The following LRMDA variants were observed in gnomAD, a reference collection of about 807,000 sequenced individuals.
LRMDA encodes the protein leucine-rich melanocyte differentiation-associated protein.
A neutral mutation model predicts 29.8 loss-of-function variants in LRMDA; 18 were observed. The ratio of observed to expected loss-of-function variants is 0.60; its 90% CI spans 0.42 to 0.90. The LOEUF is 0.90. LRMDA is among the 40% of genes least tolerant of loss of function. The pLI, the probability that LRMDA is intolerant of heterozygous loss-of-function variation, is 0.00. For missense variants in LRMDA, 273 were observed against 273.9 expected (o/e 1.00, Z 0.02); for synonymous variants, 125 against 109.4 (o/e 1.14, Z -0.89).
At chr10:75,473,029 G>A (rs992194301) in intron 2 of LRMDA, among the ~76,000 whole-genome samples, 2 of 152,214 alleles carry the variant, frequency 1.3e-5, no homozygotes, top group African/African-American at 4.8e-5. Flanking sequence ...ACCTAGCATG[G>A]GGTTTGGTCT....
intron 2 of LRMDA, among the ~76,000 whole-genome samples, chr10:75,930,412 G>A (rs1846187709): frequency 6.6e-6 from 1 of 152,062 alleles, no homozygotes; most frequent in African/African-American, 2.4e-5. Flanking sequence ...ATAGATTGGT[G>A]CAGCCATTTG....
intron 5 of LRMDA, among the ~76,000 whole-genome samples, chr10:76,110,783 A>G (rs1849564838): frequency 6.6e-6 from 1 of 152,124 alleles, no homozygotes; most frequent in African/African-American, 2.4e-5. Flanking sequence ...TGGAACTGTA[A>G]GTCGAATTAA....
At chr10:76,003,525 T>C in intron 2 of LRMDA, among the ~76,000 whole-genome samples, 1 of 152,176 alleles carries the variant, frequency 6.6e-6, no homozygotes, top group Non-Finnish European at 1.5e-5. Flanking sequence ...ATAAAGACGT[T>C]ACACGTTGGA....
intron 2 of LRMDA, among the ~76,000 whole-genome samples, chr10:75,748,966 A>C (rs963830260): frequency 6.6e-6 from 1 of 152,192 alleles, no homozygotes; most frequent in Non-Finnish European, 1.5e-5. Flanking sequence ...ATGCAGGTAG[A>C]TACATATACA....
intron 5 of LRMDA, among the ~76,000 whole-genome samples, chr10:76,175,120 T>C (rs1850909381): frequency 6.6e-6 from 1 of 151,770 alleles, no homozygotes; most frequent in African/African-American, 2.4e-5. Flanking sequence ...AGACTTCATC[T>C]CCAAAAAAAA....
chr10:76,347,179 C>T (rs17450685), intron 6 of LRMDA, among the ~76,000 whole-genome samples: 38,412 of 152,046 alleles, frequency 0.25, 5,848 homozygotes, highest in Non-Finnish European at 0.35. Context: ...TTCTGAAGGC[C>T]GTTATTCCCT....
intron 2 of LRMDA, among the ~76,000 whole-genome samples, chr10:75,486,334 T>G (rs965658446): frequency 6.6e-6 from 1 of 152,232 alleles, no homozygotes; most frequent in African/African-American, 2.4e-5. Context: ...GATATCCTGA[T>G]GAATTGATAT....
chr10:75,768,553 C>T (rs1843198215), intron 2 of LRMDA, among the ~76,000 whole-genome samples: 1 of 152,144 alleles, frequency 6.6e-6, no homozygotes, highest in Admixed American at 6.5e-5. Context: ...CATTTCAGCT[C>T]ACTTACCATT....
chr10:75,953,252 A>T (rs1416050836), intron 2 of LRMDA, among the ~76,000 whole-genome samples: 2 of 151,380 alleles, frequency 1.3e-5, no homozygotes, highest in Admixed American at 6.6e-5. Flanking sequence ...GGTTTTTAAA[A>T]TTTTTTATAG....
intron 2 of LRMDA, among the ~76,000 whole-genome samples, chr10:75,620,491 C>T (rs937809486): frequency 6.6e-6 from 1 of 152,142 alleles, no homozygotes; most frequent in African/African-American, 2.4e-5. Context: ...AGTATTATTT[C>T]ATGTGCCCTA....
intron 5 of LRMDA, among the ~76,000 whole-genome samples, chr10:76,279,627 C>T (rs539644207): frequency 6.7e-6 from 1 of 148,866 alleles, no homozygotes; most frequent in African/African-American, 2.5e-5. Flanking sequence ...CTCACTGCAA[C>T]CGCTGCCTCC....
intron 5 of LRMDA, among the ~76,000 whole-genome samples, chr10:76,223,203 A>G (rs970523173): frequency 6.6e-6 from 1 of 152,072 alleles, no homozygotes; most frequent in Non-Finnish European, 1.5e-5. Flanking sequence ...CCAGCATGGC[A>G]CATGTATACA....
intron 5 of LRMDA, among the ~76,000 whole-genome samples, chr10:76,280,509 A>G (rs917407693): frequency 1.3e-5 from 2 of 152,118 alleles, no homozygotes; most frequent in Non-Finnish European, 2.9e-5. Context: ...TTTATATTCT[A>G]TCTTATTTTG....
chr10:75,705,763 C>CT (rs1276686243), intron 2 of LRMDA, among the ~76,000 whole-genome samples: 2 of 152,220 alleles, frequency 1.3e-5, no homozygotes, highest in African/African-American at 4.8e-5. Context: ...CAAAGCGTCC[C>CT]TGCAGTGCTG....
At chr10:76,532,058 G>A (rs1843239457) in intron 6 of LRMDA, among the ~76,000 whole-genome samples, 1 of 151,942 alleles carries the variant, frequency 6.6e-6, no homozygotes, top group Admixed American at 6.6e-5. Context: ...TTAAGTTCTG[G>A]GGTACATGTG....
chr10:76,019,139 C>T (rs1281519590), intron 2 of LRMDA, among the ~76,000 whole-genome samples: 1 of 152,138 alleles, frequency 6.6e-6, no homozygotes, highest in African/African-American at 2.4e-5. Flanking sequence ...ACCCTCGGGC[C>T]GGGTGCAGCT....
At chr10:75,558,402 TACTTG>T (rs1269045487) in intron 2 of LRMDA, among the ~76,000 whole-genome samples, 1 of 152,194 alleles carries the variant, frequency 6.6e-6, no homozygotes, top group Non-Finnish European at 1.5e-5. Flanking sequence ...CTTCAGTGTT[TACTTG>T]ACTTGAATCC....
chr10:76,512,792 T>A (rs1165789306), intron 6 of LRMDA, among the ~76,000 whole-genome samples: 3 of 152,218 alleles, frequency 2.0e-5, no homozygotes, highest in Admixed American at 6.5e-5. Context: ...CTTGTTTTTT[T>A]AATCTGTATT....
intron 2 of LRMDA, among the ~76,000 whole-genome samples, chr10:75,803,597 G>C (rs1034007869): frequency 1.3e-5 from 2 of 152,206 alleles, no homozygotes; most frequent in Non-Finnish European, 2.9e-5. Flanking sequence ...CCTGTGAGAT[G>C]GGTTAGTAAT....
Sources: allele counts gnomAD v4.1 joint callset (sites outside exome capture counted in the v4.1 genomes callset), GRCh38; gene constraint gnomAD v4.1.1; transcripts MANE v1.5; gene names NCBI Gene and HGNC (gene_info 2026-07-23, HGNC 2026-07-21).